The following PKHD1 variants were observed in gnomAD, a reference collection of about 807,000 sequenced individuals.
PKHD1 encodes the protein PKHD1 ciliary IPT domain containing fibrocystin/polyductin, also known as fibrocystin.
In PKHD1, 291 loss-of-function variants were observed where a neutral mutation model predicts 412.0. The ratio of observed to expected loss-of-function variants is 0.71; its 90% CI spans 0.64 to 0.78. The LOEUF (loss-of-function observed/expected upper bound fraction) is 0.78. PKHD1 is among the 30% of genes least tolerant of loss of function. PKHD1 has a pLI of 0.00. For synonymous variants in PKHD1, 1,777 were observed against 1,821.5 expected, an observed-to-expected ratio of 0.98 and a Z score of 0.62; for missense variants, 4,825 against 4,950.7, an observed-to-expected ratio of 0.97 and a Z score of 0.76.
At chr6:51,651,867 G>A (rs1771034094) in intron 61 of PKHD1, among the ~76,000 whole-genome samples, 1 of 152,132 alleles carries the variant, frequency 6.6e-6, no homozygotes, top group Non-Finnish European at 1.5e-5. Context: ...CTGTGACGAC[G>A]GGAGTCACCT....
chr6:51,938,223 C>G (rs542623003), intron 36 of PKHD1, among the ~76,000 whole-genome samples: 3 of 152,346 alleles, frequency 2.0e-5, no homozygotes, highest in South Asian at 2.1e-4. Flanking sequence ...CAATAGATAA[C>G]ATCACTATTT....
At chr6:52,038,621 G>C (rs188245210) in intron 27 of PKHD1, among the ~76,000 whole-genome samples, 1 of 152,208 alleles carries the variant, frequency 6.6e-6, no homozygotes, top group African/African-American at 2.4e-5. Context: ...CTGGCCCCCA[G>C]AATTATGGGA....
chr6:51,741,380 T>C (rs554134344), intron 60 of PKHD1, among the ~76,000 whole-genome samples: 1 of 152,294 alleles, frequency 6.6e-6, no homozygotes, highest in East Asian at 1.9e-4. Context: ...ATAATTTTGG[T>C]ATCAATGTTT....
chr6:51,788,822 T>C (rs1050639307), intron 53 of PKHD1, among the ~76,000 whole-genome samples: 6 of 152,122 alleles, frequency 3.9e-5, no homozygotes, highest in African/African-American at 1.5e-4. Context: ...TAAACATTTA[T>C]TGAACACCTA....
intron 60 of PKHD1, among the ~76,000 whole-genome samples, chr6:51,712,047 G>A (rs1780721900): frequency 6.6e-6 from 1 of 152,148 alleles, no homozygotes; most frequent in East Asian, 1.9e-4. Context: ...AAAATAATAA[G>A]CTTTATCTAG....
chr6:51,655,355 A>T (rs1472813710), intron 61 of PKHD1, among the ~76,000 whole-genome samples: 1 of 152,158 alleles, frequency 6.6e-6, no homozygotes, highest in African/African-American at 2.4e-5. Flanking sequence ...GAATGCCAAA[A>T]GACTTGTATA....
intron 60 of PKHD1, among the ~76,000 whole-genome samples, chr6:51,740,951 G>A (rs772767430): frequency 1.3e-5 from 2 of 152,100 alleles, no homozygotes; most frequent in Non-Finnish European, 2.9e-5. Context: ...AACATCAGGG[G>A]TTTAGGCAAT....
At chr6:52,053,979 A>T in intron 20 of PKHD1, 59 bp downstream of exon 20, 1 of 1,594,914 alleles carries the variant, frequency 6.3e-7, no homozygotes, top group South Asian at 1.1e-5. Flanking sequence ...ACTGTCCCCA[A>T]AACAGTGAAT....
intron 66 of PKHD1, among the ~76,000 whole-genome samples, chr6:51,623,232 A>G (rs898548130): frequency 6.6e-6 from 1 of 152,212 alleles, no homozygotes; most frequent in Non-Finnish European, 1.5e-5. Flanking sequence ...TTGCAATAAT[A>G]GTCAATCTAA....
At chr6:51,748,760 A>T in intron 57 of PKHD1, 95 bp from the exon 58 acceptor site, 4 of 995,594 alleles carry the variant, frequency 4.0e-6, no homozygotes, top group Non-Finnish European at 6.4e-6. Context: ...AACATTTTTA[A>T]TGAAAATGTA....
chr6:52,018,574 C>T lies in PKHD1; in HGVS notation c.5381-945G>A, dbSNP rs543507177. Among the ~76,000 whole-genome samples, 7 of 152,214 alleles carry T rather than the reference C, an allele frequency of 4.6e-5. 1 individual carries two copies. In the South Asian group the frequency reaches 1.2e-3, roughly 27 times the overall value. Reference sequence around the variant, plus strand: ...TTCGCTGTGTTGCCCAGGCTTGTGGCACAATTTCACCTCACTGCAACTTCC... The same window carrying T: ...TTCGCTGTGTTGCCCAGGCTTGTGGTACAATTTCACCTCACTGCAACTTCC... On this transcript the variant is annotated intron_variant, in intron 33 of 66. Transcript: ENST00000371117.
intron 60 of PKHD1, among the ~76,000 whole-genome samples, chr6:51,697,835 T>G (rs962092401): frequency 6.6e-6 from 1 of 152,228 alleles, no homozygotes; most frequent in African/African-American, 2.4e-5. Context: ...TTTCAATTCC[T>G]GGGCATTTGC....
chr6:51,901,814 T>C (rs1233992998), intron 43 of PKHD1, among the ~76,000 whole-genome samples: 1 of 152,146 alleles, frequency 6.6e-6, no homozygotes, highest in Non-Finnish European at 1.5e-5. Context: ...GTATTTTTTT[T>C]CTAATTTTGT....
intron 60 of PKHD1, chr6:51,721,155 G>C: frequency 1.0e-6 from 1 of 953,290 alleles, no homozygotes. Context: ...TGGGCACATG[G>C]GAGTTATTTA....
chr6:51,723,385 A>G (rs575877066), intron 60 of PKHD1, among the ~76,000 whole-genome samples: 167 of 152,316 alleles, frequency 1.1e-3, no homozygotes, highest in African/African-American at 3.8e-3. Context: ...TGCACTATTC[A>G]TTCCCCAACA....
At chr6:51,714,248 T>C (rs552461943) in intron 60 of PKHD1, among the ~76,000 whole-genome samples, 2 of 152,232 alleles carry the variant, frequency 1.3e-5, no homozygotes, top group South Asian at 4.2e-4. Flanking sequence ...CACACGCCAG[T>C]AGTTCCACCT....
At chr6:51,774,898 AT>A (rs1790745660) in intron 54 of PKHD1, among the ~76,000 whole-genome samples, 1 of 151,514 alleles carries the variant, frequency 6.6e-6, no homozygotes, top group African/African-American at 2.4e-5. Context: ...AAATGTTCAT[AT>A]TTTTTCTTTT....
chr6:51,689,186 T>C (rs929756954), intron 60 of PKHD1, among the ~76,000 whole-genome samples: 2 of 152,304 alleles, frequency 1.3e-5, no homozygotes, highest in East Asian at 1.9e-4. Flanking sequence ...GCAAGATTGG[T>C]TCAACATATG....
chr6:51,967,689 G>A (rs1583611103), intron 35 of PKHD1, among the ~76,000 whole-genome samples: 1 of 151,120 alleles, frequency 6.6e-6, no homozygotes, highest in Non-Finnish European at 1.5e-5. Flanking sequence ...TGCCACTCAC[G>A]CACTCACGTG....
Sources: gnomAD v4.1 joint callset for allele counts (sites outside exome capture counted in the v4.1 genomes callset) on GRCh38, gnomAD v4.1.1 for gene constraint, MANE v1.5 for transcripts, NCBI Gene and HGNC (gene_info 2026-07-23, HGNC 2026-07-21) for gene names.